The following PDZRN4 variants were observed in gnomAD, a reference collection of about 807,000 sequenced individuals.
PDZRN4 encodes PDZ domain containing ring finger 4, also known as PDZ domain-containing RING finger protein 4.
Under a neutral mutation model 99.0 loss-of-function variants are expected in PDZRN4, and 70 were observed. That is an observed-to-expected ratio of 0.71 (90% CI 0.58 to 0.86). The LOEUF is 0.86. Among genes scored for constraint, PDZRN4 ranks in the 40% least tolerant of loss-of-function variants. The pLI, the probability that PDZRN4 is intolerant of heterozygous loss-of-function variation, is 0.00. For synonymous variants in PDZRN4, 551 were observed against 501.6 expected, an observed-to-expected ratio of 1.10 and a Z score of -1.32; for missense variants, 1,474 against 1,331.2, an observed-to-expected ratio of 1.11 and a Z score of -1.67.
At chr12:41,509,666 T>C (rs982259717) in intron 4 of PDZRN4, 145 bp from the exon 5 acceptor site, 4 of 470,466 alleles carry the variant, frequency 8.5e-6, no homozygotes, top group African/African-American at 8.0e-5. Context: ...CTATTGCTTT[T>C]CCTCAGCTGT....
At chr12:41,281,943 A>G (rs1951388496) in intron 3 of PDZRN4, among the ~76,000 whole-genome samples, 1 of 152,228 alleles carries the variant, frequency 6.6e-6, no homozygotes, top group Admixed American at 6.5e-5. Flanking sequence ...GACCATTGAC[A>G]GTATGAAGAA....
chr12:41,488,649 GACA>G (rs1832729808), intron 3 of PDZRN4, among the ~76,000 whole-genome samples: 1 of 152,064 alleles, frequency 6.6e-6, no homozygotes, highest in Non-Finnish European at 1.5e-5. Flanking sequence ...GTGGAAGAAC[GACA>G]ACATCACAGT....
At chr12:41,550,560 T>C (rs1465738886) in intron 5 of PDZRN4, among the ~76,000 whole-genome samples, 1 of 152,194 alleles carries the variant, frequency 6.6e-6, no homozygotes, top group Non-Finnish European at 1.5e-5. Context: ...CTAAATCATT[T>C]CACTGTTTCC....
chr12:41,526,191 G>A (rs1938565102), intron 5 of PDZRN4, among the ~76,000 whole-genome samples: 1 of 152,128 alleles, frequency 6.6e-6, no homozygotes, highest in East Asian at 1.9e-4. Flanking sequence ...GTATCTAAAT[G>A]TGGGGCTACT....
intron 3 of PDZRN4, among the ~76,000 whole-genome samples, chr12:41,356,957 T>C (rs1357375557): frequency 2.0e-5 from 3 of 152,024 alleles, no homozygotes; most frequent in African/African-American, 7.2e-5. Flanking sequence ...GTCCACAGTT[T>C]ACCTCAGGGA....
chr12:41,278,851 G>T (rs1951366067), intron 3 of PDZRN4, among the ~76,000 whole-genome samples: 1 of 152,142 alleles, frequency 6.6e-6, no homozygotes, highest in Non-Finnish European at 1.5e-5. Flanking sequence ...CTCAGTATTT[G>T]TTTTGGGATG....
intron 9 of PDZRN4, 107 bp from the exon 10 acceptor site, chr12:41,572,257 G>A: frequency 3.5e-6 from 3 of 868,402 alleles, no homozygotes; most frequent in South Asian, 3.6e-5. Context: ...CAACTGTCTA[G>A]GAGATGCAAC....
chr12:41,385,721 T>C (rs1952164722), intron 3 of PDZRN4, among the ~76,000 whole-genome samples: 1 of 152,084 alleles, frequency 6.6e-6, no homozygotes, highest in Non-Finnish European at 1.5e-5. Context: ...GATGGATTCA[T>C]AGCTGAATTC....
At chr12:41,476,647 T>G (rs2120585505) in intron 3 of PDZRN4, among the ~76,000 whole-genome samples, 1 of 152,318 alleles carries the variant, frequency 6.6e-6, no homozygotes, top group Admixed American at 6.5e-5. Flanking sequence ...TATGAAAAGC[T>G]CCTCTTATCC....
chr12:41,330,417 T>C (rs1403059645), intron 3 of PDZRN4, among the ~76,000 whole-genome samples: 5 of 151,270 alleles, frequency 3.3e-5, no homozygotes, highest in Non-Finnish European at 7.4e-5. Context: ...TATCTCAGTA[T>C]CCTGATCTGT....
intron 3 of PDZRN4, among the ~76,000 whole-genome samples, chr12:41,417,994 C>T (rs1188493810): frequency 2.0e-5 from 3 of 152,108 alleles, no homozygotes; most frequent in Non-Finnish European, 4.4e-5. Context: ...TCGTCTTTGC[C>T]TTACATATGC....
At chr12:41,336,202 G>C (rs2177974) in intron 3 of PDZRN4, among the ~76,000 whole-genome samples, 58,353 of 151,872 alleles carry the variant, frequency 0.38, 11,285 homozygotes, top group African/African-American at 0.41. Flanking sequence ...ATGAACGGCT[G>C]ATTCATCCTG....
In PDZRN4 at chr12:41,254,180, GA is replaced by G. The variant is rs563099707; in HGVS notation, c.843+60000del. Among the ~76,000 whole-genome samples the G allele has an allele frequency of 2.6e-3, 391 of 151,338 alleles. 2 individuals are homozygous for G. Among genetic ancestry groups the G allele is most frequent in the African/African-American group, 9.2e-3 (378 of 41,284 alleles). On this transcript the variant is annotated intron_variant, in intron 3 of 9. Coordinates refer to ENST00000402685, the MANE Select transcript of PDZRN4 (RefSeq NM_001164595.2). The stretch of plus-strand genomic sequence containing the variant: ...AGTAAAACTATTTCAAAGGAAAAAG[GA>G]AAAAAAAGTATACATCAGCATTTTC...
rs1243857475 is a variant in PDZRN4 at position 41,189,095 on chromosome 12, C to G, written c.640C>G (p.His214Asp). ...CTTCGTCGGCGACCTCGGTGGCGGCCACCGCAGGGTAAGCAAAGGGGGGTG... is the reference window on the plus strand; with the variant it reads ...CTTCGTCGGCGACCTCGGTGGCGGCGACCGCAGGGTAAGCAAAGGGGGGTG... ...RNFVGDLGGG[H>D]RRDGEHKPFT... The change falls in exon 1 of 10, where the codon CAC (histidine) becomes GAC (aspartate). Residue 214 changes from histidine (H) to aspartate (D), a missense_variant. His to Asp is a moderately conservative substitution (Grantham distance 81). Transcript: ENST00000402685. 1 of 1,581,046 alleles carries G rather than the reference C, an allele frequency of 6.3e-7. No homozygotes were observed. Among genetic ancestry groups the G allele is most frequent in the Non-Finnish European group, 8.5e-7 (1 of 1,171,868 alleles).
At chr12:41,408,580 T>C (rs1373046324) in intron 3 of PDZRN4, among the ~76,000 whole-genome samples, 1 of 152,192 alleles carries the variant, frequency 6.6e-6, no homozygotes, top group Admixed American at 6.5e-5. Flanking sequence ...GCACAGAAGA[T>C]GGAAAGATTA....
At chr12:41,191,939 C>A (rs1223658090) in intron 2 of PDZRN4, among the ~76,000 whole-genome samples, 1 of 151,802 alleles carries the variant, frequency 6.6e-6, no homozygotes, top group South Asian at 2.1e-4. Context: ...CCTGCCACCA[C>A]ACCCGGCTAA....
intron 3 of PDZRN4, among the ~76,000 whole-genome samples, chr12:41,350,504 C>A (rs183287540): frequency 5.3e-4 from 80 of 152,134 alleles, no homozygotes; most frequent in Non-Finnish European, 8.5e-4. Context: ...TTTATGAAAT[C>A]TCTCAAATTT....
chr12:41,338,779 C>T (rs1315192592), intron 3 of PDZRN4, among the ~76,000 whole-genome samples: 3 of 151,800 alleles, frequency 2.0e-5, no homozygotes, highest in African/African-American at 4.8e-5. Flanking sequence ...CTGAACCAAC[C>T]GATCACAAGT....
chr12:41,256,157 A>T (rs911424985), intron 3 of PDZRN4, among the ~76,000 whole-genome samples: 6 of 152,214 alleles, frequency 3.9e-5, no homozygotes, highest in African/African-American at 1.4e-4. Flanking sequence ...AAAACTATGT[A>T]TTTCCTAGTC....
Sources: allele counts gnomAD v4.1 joint callset (sites outside exome capture counted in the v4.1 genomes callset), GRCh38; gene constraint gnomAD v4.1.1; transcripts MANE v1.5; gene names NCBI Gene and HGNC (gene_info 2026-07-23, HGNC 2026-07-21).